Variants in HAPLN1 observed in about 807,000 individuals in gnomAD.
HAPLN1 encodes the protein hyaluronan and proteoglycan link protein 1, also known as Cartilage link protein.
A neutral mutation model predicts 36.5 loss-of-function variants in HAPLN1; 13 were observed. The ratio of observed to expected loss-of-function variants is 0.36; its 90% CI spans 0.23 to 0.57. The LOEUF (loss-of-function observed/expected upper bound fraction) is 0.57, where lower values mean the gene tolerates loss of function less well. Ranked by LOEUF, HAPLN1 falls within the 20% of genes least tolerant of loss-of-function variation. The pLI, the probability that HAPLN1 is intolerant of heterozygous loss-of-function variation, is 0.83. For synonymous variants in HAPLN1, 202 were observed against 169.8 expected, an observed-to-expected ratio of 1.19 and a Z score of -1.48; for missense variants, 407 against 439.7, an observed-to-expected ratio of 0.93 and a Z score of 0.66.
At chr5:83,710,676 G>A (rs1319381470) in intron 1 of HAPLN1, among the ~76,000 whole-genome samples, 1 of 152,136 alleles carries the variant, frequency 6.6e-6, no homozygotes, top group East Asian at 1.9e-4. Flanking sequence ...ATAGGCTGAG[G>A]GCGGTGCCTC....
At chr5:83,673,077 A>T (rs1408599323) in intron 2 of HAPLN1, among the ~76,000 whole-genome samples, 1 of 152,228 alleles carries the variant, frequency 6.6e-6, no homozygotes, top group East Asian at 1.9e-4. Context: ...GAATGACCTT[A>T]TATCCTAAGT....
intron 3 of HAPLN1, among the ~76,000 whole-genome samples, chr5:83,649,266 C>A (rs1580120995): frequency 1.3e-5 from 2 of 152,136 alleles, no homozygotes; most frequent in East Asian, 3.9e-4. Context: ...TCCCACCCTG[C>A]CACCAACGTG....
chr5:83,659,346 A>C (rs1212475714), intron 2 of HAPLN1, among the ~76,000 whole-genome samples: 9 of 152,118 alleles, frequency 5.9e-5, no homozygotes, highest in Admixed American at 5.9e-4. Flanking sequence ...CTTTGACCTG[A>C]AGATACAAAG....
chr5:83,705,237 A>G (rs1401522822), intron 1 of HAPLN1, among the ~76,000 whole-genome samples: 1 of 152,030 alleles, frequency 6.6e-6, no homozygotes, highest in Non-Finnish European at 1.5e-5. Flanking sequence ...TAAAAATACA[A>G]AAATTAGCTG....
At chr5:83,692,946 A>G (rs894010461) in intron 1 of HAPLN1, among the ~76,000 whole-genome samples, 1 of 152,012 alleles carries the variant, frequency 6.6e-6, no homozygotes, top group South Asian at 2.1e-4. Context: ...CAAGGGATAC[A>G]TTCTAAGACA....
chr5:83,717,660 A>G (rs1356513899), intron 1 of HAPLN1, among the ~76,000 whole-genome samples: 2 of 152,216 alleles, frequency 1.3e-5, no homozygotes, highest in Non-Finnish European at 2.9e-5. Context: ...ACTCAAATGG[A>G]CTAATCTTCT....
chr5:83,655,942 A>G (rs1325243650), intron 2 of HAPLN1, among the ~76,000 whole-genome samples: 1 of 152,178 alleles, frequency 6.6e-6, no homozygotes, highest in Admixed American at 6.5e-5. Context: ...CGTTGATTAC[A>G]AACTTTGCAC....
chr5:83,708,152 G>A lies in HAPLN1; in HGVS notation c.-27+12637C>T, dbSNP rs192403966. Among the ~76,000 whole-genome samples, 459 of 152,332 alleles carry A rather than the reference G, an allele frequency of 3.0e-3. 2 individuals carry two copies. Among genetic ancestry groups the A allele is most frequent in the African/African-American group, 0.01 (428 of 41,592 alleles). On this transcript the variant is annotated intron_variant, in intron 1 of 4. Transcript: ENST00000274341. Reference sequence around the variant, plus strand: ...GTTCAAACATTGCGGAAAGCAGTATGGTGACTCCTCAGAGAGCTAAAGCAG... The same window carrying A: ...GTTCAAACATTGCGGAAAGCAGTATAGTGACTCCTCAGAGAGCTAAAGCAG...
chr5:83,670,907 C>A (rs1750697305), intron 2 of HAPLN1, among the ~76,000 whole-genome samples: 3 of 152,228 alleles, frequency 2.0e-5, no homozygotes, highest in South Asian at 4.2e-4. Flanking sequence ...GTTGGTCAGG[C>A]TGGTCTCAAA....
chr5:83,687,792 T>G (rs1751167949), intron 1 of HAPLN1, among the ~76,000 whole-genome samples: 1 of 152,190 alleles, frequency 6.6e-6, no homozygotes, highest in Admixed American at 6.5e-5. Flanking sequence ...ATCAGAAGGA[T>G]GGAATATCCC....
intron 1 of HAPLN1, among the ~76,000 whole-genome samples, chr5:83,687,424 T>A (rs1459358052): frequency 6.6e-6 from 1 of 152,202 alleles, no homozygotes; most frequent in Non-Finnish European, 1.5e-5. Context: ...TATAAATAGC[T>A]ACTTGCTGGC....
Position 83,673,525 on chromosome 5 carries a change from T to C in HAPLN1, c.-2A>G. The C allele has an allele frequency of 1.2e-6, 2 of 1,606,516 alleles. No homozygotes were observed. The highest frequency in any genetic ancestry group is 1.7e-6 in the Non-Finnish European group (2 of 1,173,758). ...CACCAGAAGAAGTAGACTCTTCATC[T>C]TTATAGCCCAAAGAATCTTCTTCAC... On this transcript the variant is annotated 5_prime_UTR_variant, in exon 2 of 5. Transcript: ENST00000274341.
chr5:83,652,426 CG>C, intron 3 of HAPLN1, 26 bp downstream of exon 3: 1 of 1,583,190 alleles, frequency 6.3e-7, no homozygotes, highest in South Asian at 1.2e-5. Flanking sequence ...ACCATTTATA[CG>C]TTGAACATGA....
At chr5:83,716,997 A>C (rs919166804) in intron 1 of HAPLN1, among the ~76,000 whole-genome samples, 2 of 151,874 alleles carry the variant, frequency 1.3e-5, no homozygotes, top group Admixed American at 6.6e-5. Flanking sequence ...ACGCCATTGT[A>C]CTCCAGCCTG....
chr5:83,712,563 T>C (rs35278781), intron 1 of HAPLN1, among the ~76,000 whole-genome samples: 12,609 of 152,120 alleles, frequency 0.083, 664 homozygotes, highest in African/African-American at 0.14. Flanking sequence ...ATTTAGATCA[T>C]CTTTTTAATA....
chr5:83,664,390 TG>T (rs199758378), intron 2 of HAPLN1, among the ~76,000 whole-genome samples: 327 of 152,176 alleles, frequency 2.1e-3, no homozygotes, highest in African/African-American at 7.5e-3. Flanking sequence ...TAAAAACATT[TG>T]TTTTTTTTTG....
intron 4 of HAPLN1, among the ~76,000 whole-genome samples, chr5:83,644,016 C>G (rs957042784): frequency 1.3e-5 from 2 of 152,158 alleles, no homozygotes; most frequent in African/African-American, 2.4e-5. Context: ...TGAAGGCACG[C>G]TTACTTTGAT....
Position 83,663,792 on chromosome 5 carries a change from T to G in HAPLN1, c.100+9632A>C, listed in dbSNP as rs74647411. On this transcript the variant is annotated intron_variant, in intron 2 of 4. Transcript: ENST00000274341. Reference sequence around the variant, plus strand: ...TCTATCAGTAATTGCTGCCATTTCTTCCTTCACTTTTTTTTTTTTTTTTTT... The same window carrying G: ...TCTATCAGTAATTGCTGCCATTTCTGCCTTCACTTTTTTTTTTTTTTTTTT... 3.9e-3 allele frequency among the ~76,000 whole-genome samples: 583 copies of G among 149,316 alleles called. 1 individual carries two copies. Among genetic ancestry groups the G allele is most frequent in the Non-Finnish European group, 5.8e-3 (389 of 67,384 alleles).
In HAPLN1 at chr5:83,641,459, T is replaced by C. The variant is rs1368550503; in HGVS notation, c.*37A>G. ...AAAAAAAAACACCTTTCACATGTTC[T>C]TAATGACTTTAAAACTGATGCGCTC... On this transcript the variant is annotated 3_prime_UTR_variant, in exon 5 of 5. Transcript: ENST00000274341. 1 of 1,527,764 alleles carries C rather than the reference T, an allele frequency of 6.5e-7. No individual in the cohort carries two copies. Among genetic ancestry groups the C allele is most frequent in the Non-Finnish European group, 8.8e-7 (1 of 1,136,508 alleles). The allele number at this position is 1,527,764 out of a possible 1,614,324, so 94.6% of individuals were successfully genotyped here.
Sources: gnomAD v4.1 joint callset for allele counts (sites outside exome capture counted in the v4.1 genomes callset) on GRCh38, gnomAD v4.1.1 for gene constraint, MANE v1.5 for transcripts, NCBI Gene and HGNC (gene_info 2026-07-23, HGNC 2026-07-21) for gene names.